Variants in PHRF1 observed in about 807,000 individuals in gnomAD.
PHRF1 encodes PHD and RING finger domain-containing protein 1.
PHRF1 carries 53 observed loss-of-function variants against 128.9 expected under a neutral mutation model. The observed-to-expected ratio is 0.41, with a 90% CI of 0.33 to 0.52. The LOEUF (loss-of-function observed/expected upper bound fraction) is 0.52. Among genes scored for constraint, PHRF1 ranks in the 20% least tolerant of loss-of-function variants. PHRF1 has a pLI of 0.21. For missense variants in PHRF1, 2,503 were observed against 2,284.5 expected (o/e 1.10, Z -1.95); for synonymous variants, 1,178 against 980.6 (o/e 1.20, Z -3.76).
Position 609,551 on chromosome 11 carries a change from T to A in PHRF1, c.4095T>A (p.Pro1365=). 1 of 1,599,258 alleles carries A rather than the reference T, an allele frequency of 6.3e-7. No individual in the cohort carries two copies. Among genetic ancestry groups the A allele is most frequent in the Non-Finnish European group, 8.5e-7 (1 of 1,175,092 alleles). Residue 1365 remains proline (P), a synonymous_variant, in exon 14 of 18, where the codon CCT becomes CCA. Coordinates refer to ENST00000264555, the MANE Select transcript of PHRF1 (RefSeq NM_001286581.2). The part of the protein sequence containing the change: ...AEAPSSPDVA[P]AGKEDSPSAS... ...CACCCAGTTCCCCGGATGTGGCGCCTGCGGGGAAGGAAGACAGCCCCTCTG... is the reference window on the plus strand; with the variant it reads ...CACCCAGTTCCCCGGATGTGGCGCCAGCGGGGAAGGAAGACAGCCCCTCTG...
chr11:588,195 G>C (rs1392386266), intron 4 of PHRF1, among the ~76,000 whole-genome samples: 3 of 150,822 alleles, frequency 2.0e-5, no homozygotes, highest in Middle Eastern at 3.2e-3. Flanking sequence ...GGGTCCTCCT[G>C]TTCTGTTTCA....
At chr11:598,269 T>G in intron 8 of PHRF1, 104 bp from the exon 9 acceptor site, 1 of 1,411,244 alleles carries the variant, frequency 7.1e-7, no homozygotes. Flanking sequence ...CTGTCCTGCT[T>G]CTCTGGCTGC....
At chr11:579,629 C>T (rs962829020) in intron 1 of PHRF1, among the ~76,000 whole-genome samples, 4 of 152,184 alleles carry the variant, frequency 2.6e-5, no homozygotes, top group African/African-American at 7.2e-5. Flanking sequence ...GGCGTCTCTG[C>T]GGAGTTGCTG....
At chr11:599,907 T>C (rs954657830) in intron 9 of PHRF1, among the ~76,000 whole-genome samples, 2 of 152,226 alleles carry the variant, frequency 1.3e-5, no homozygotes, top group Non-Finnish European at 2.9e-5. Context: ...TCTCTGTAAT[T>C]ACCTGTGTCT....
At position 608,058 on chromosome 11, in the gene PHRF1, C is replaced by G; in HGVS notation, c.2602C>G (p.Pro868Ala). 1 of 1,611,610 alleles carries G rather than the reference C, an allele frequency of 6.2e-7. No individual in the cohort carries two copies. The highest frequency in any genetic ancestry group is 1.1e-5 in the South Asian group (1 of 91,090). Residue 868 changes from proline (P) to alanine (A), a missense_variant, in exon 14 of 18, where the codon CCG becomes GCG. Pro to Ala is a conservative substitution (Grantham distance 27, BLOSUM62 -1). Transcript: ENST00000264555. Reference protein sequence around the residue: ...EITRTISINSPKAQTVQAVRC... With the variant: ...EITRTISINSAKAQTVQAVRC... ...CACACGAACCATCTCCATCAACAGC[C>G]CGAAGGCCCAGACGGTGCAGGCTGT...
At chr11:604,262 T>A (rs1855816299) in intron 10 of PHRF1, among the ~76,000 whole-genome samples, 1 of 152,170 alleles carries the variant, frequency 6.6e-6, no homozygotes, top group Admixed American at 6.5e-5. Flanking sequence ...TTTCTGTGGT[T>A]CCTTTCTTCT....
At position 612,000 on chromosome 11, in the gene PHRF1, A is replaced by G. The variant is rs931626812; in HGVS notation, c.*223A>G. 1.4e-5 allele frequency: 9 copies of G among 637,642 alleles called. No individual in the cohort carries two copies. The highest frequency in any genetic ancestry group is 1.9e-5 in the Non-Finnish European group (7 of 375,716). 39.5% of individuals were successfully genotyped at this position (637,642 alleles called of 1,614,324 possible). On this transcript the variant is annotated 3_prime_UTR_variant, in exon 18 of 18. Coordinates refer to ENST00000264555, the MANE Select transcript of PHRF1 (RefSeq NM_001286581.2). Reference sequence around the variant, plus strand: ...ACAGTTGAAAACTGGACACTTTTGTATGTATATTATAGAGACACTGTTTCC... The same window carrying G: ...ACAGTTGAAAACTGGACACTTTTGTGTGTATATTATAGAGACACTGTTTCC...
rs376116360 is a variant in PHRF1 at position 609,704 on chromosome 11, C to A, written c.4248C>A (p.Ala1416=). 9 of 1,501,542 alleles carry A rather than the reference C, an allele frequency of 6.0e-6. No individual in the cohort carries two copies. Among genetic ancestry groups the A allele is most frequent in the African/African-American group, 1.4e-5 (1 of 72,152 alleles). The allele number at this position is 1,501,542 out of a possible 1,614,324, so 93.0% of individuals were successfully genotyped here. A position where few individuals can be genotyped will look rare whatever the true frequency, so the allele number is the denominator to read the frequency against. ...AGGAGTCGGAGAGCAGCGCCCCCGC[C>A]GAGGACAGAGCCCCCCGTGAGTAGT... is the stretch of plus-strand genomic sequence containing the variant. The part of the protein sequence containing the change: ...NLQESESSAP[A]EDRAPRAPLH... The change falls in exon 14 of 18, where the codon GCC becomes GCA. Residue 1416 remains alanine, a synonymous_variant. Coordinates refer to ENST00000264555, the MANE Select transcript of PHRF1 (RefSeq NM_001286581.2).
At chr11:583,846 G>T (rs974896015) in intron 3 of PHRF1, among the ~76,000 whole-genome samples, 2 of 152,338 alleles carry the variant, frequency 1.3e-5, no homozygotes, top group South Asian at 4.1e-4. Context: ...CAAGGAGGTG[G>T]CCCTGCCCCG....
At position 612,084 on chromosome 11, in the gene PHRF1, G is replaced by C; in HGVS notation, c.*307G>C. ...AACCTCTTGATTGACTTACTACTTG[G>C]AAGATAAAGCACTTGGTGATCAAGA... On this transcript the variant is annotated 3_prime_UTR_variant, in exon 18 of 18. Coordinates refer to ENST00000264555, the MANE Select transcript of PHRF1 (RefSeq NM_001286581.2). 6 of 420,370 alleles carry C rather than the reference G, an allele frequency of 1.4e-5. No individual in the cohort carries two copies. The South Asian group carries it at 2.4e-4, about 17-fold the overall frequency. The allele number at this position is 420,370 out of a possible 1,614,324, so 26.0% of individuals were successfully genotyped here.
chr11:591,072 T>C (rs1854942868), intron 4 of PHRF1, among the ~76,000 whole-genome samples: 1 of 152,218 alleles, frequency 6.6e-6, no homozygotes, highest in African/African-American at 2.4e-5. Flanking sequence ...GCAGAAGACT[T>C]GAACAGGCTC....
rs1856354451 is a variant in PHRF1, at chr11:610,982, G to A, written c.4706G>A (p.Arg1569His). 3.7e-6 allele frequency: 6 copies of A among 1,613,406 alleles called. No homozygotes were observed. The highest frequency in any genetic ancestry group is 5.1e-6 in the Non-Finnish European group (6 of 1,179,808). ...EYMKKLHMQE[R>H]AVEEVKLAIK... ...ATGAAGAAGCTGCACATGCAGGAGC[G>A]TGCTGTGGAGGAGGTGAAGCTGGCC... Residue 1569 changes from arginine to histidine, a missense_variant, in exon 17 of 18, where the codon CGT becomes CAT. By Grantham distance (29) the Arg-to-His change is conservative. Transcript: ENST00000264555.
At position 609,068 on chromosome 11, in the gene PHRF1, G is replaced by T; in HGVS notation, c.3612G>T (p.Ala1204=). ...RKGAVREASP[A]PLAQGEPGRE... Reference sequence around the variant, plus strand: ...GGGCTGTGAGGGAGGCTTCCCCAGCGCCCCTTGCACAGGGGGAGCCAGGGC... The same window carrying T: ...GGGCTGTGAGGGAGGCTTCCCCAGCTCCCCTTGCACAGGGGGAGCCAGGGC... Residue 1204 remains alanine (A), a synonymous_variant, in exon 14 of 18, where the codon GCG becomes GCT. Transcript: ENST00000264555. The T allele has an allele frequency of 6.3e-7, 1 of 1,597,166 alleles. No individual in the cohort carries two copies.
Position 597,088 on chromosome 11 carries a change from G to C in PHRF1, c.718+68G>C. The C allele has an allele frequency of 6.6e-7, 1 of 1,508,802 alleles. No individual in the cohort carries two copies. Among genetic ancestry groups the C allele is most frequent in the Non-Finnish European group, 9.1e-7 (1 of 1,103,100 alleles). The allele number at this position is 1,508,802 out of a possible 1,614,324, so 93.5% of individuals were successfully genotyped here. A position where few individuals can be genotyped will look rare whatever the true frequency, so the allele number is the denominator to read the frequency against. On this transcript the variant is annotated intron_variant, in intron 7 of 17. Transcript: ENST00000264555. This position sits in a 1 kb window ranked among gnomAD's most constrained non-coding sequence, Gnocchi z 6.5. ...CACTGTCCACTCTGCGGTCCCCGGG[G>C]TTAGGTTTGGCTGCTGTGTGGGGAG... is the stretch of plus-strand genomic sequence containing the variant.
Position 587,389 on chromosome 11 carries a change from C to T in PHRF1, c.345C>T (p.Phe115=). 1.2e-6 allele frequency: 2 copies of T among 1,613,896 alleles called. No homozygotes were observed. Among genetic ancestry groups the T allele is most frequent in the South Asian group, 1.1e-5 (1 of 91,070 alleles). ...GCTGCCCAATCTGTCTCAACGCATT[C>T]AGAGACCAGGCCGTGGGGACGCCGG... ...AESCPICLNA[F]RDQAVGTPEN... The change falls in exon 4 of 18, where the codon TTC becomes TTT. Residue 115 remains phenylalanine, a synonymous_variant. Coordinates refer to ENST00000264555, the MANE Select transcript of PHRF1 (RefSeq NM_001286581.2).
chr11:581,494 C>G lies in PHRF1; in HGVS notation c.-19C>G. 1 of 1,612,946 alleles carries G rather than the reference C, an allele frequency of 6.2e-7. No homozygotes were observed. Among genetic ancestry groups the G allele is most frequent in the Non-Finnish European group, 8.5e-7 (1 of 1,179,530 alleles). On this transcript the variant is annotated splice_region_variant and 5_prime_UTR_variant, in exon 2 of 18. Transcript: ENST00000264555. ...TGCTTGGCTCTTCTTTCTTTCAGAG[C>G]TGAGCTCAATGTGCAGCAATGGATG...
Position 608,194 on chromosome 11 carries a change from G to A in PHRF1, c.2738G>A (p.Gly913Glu). 1 of 1,609,812 alleles carries A rather than the reference G, an allele frequency of 6.2e-7. No individual in the cohort carries two copies. Among genetic ancestry groups the A allele is most frequent in the Non-Finnish European group, 8.5e-7 (1 of 1,179,824 alleles). ...SKLRGAVAAEGASDTEREEPT... is the reference protein window; with the variant it reads ...SKLRGAVAAEEASDTEREEPT... Reference sequence around the variant, plus strand: ...CTCCGGGGTGCAGTGGCTGCCGAGGGGGCCTCTGACACGGAGCGAGAGGAG... The same window carrying A: ...CTCCGGGGTGCAGTGGCTGCCGAGGAGGCCTCTGACACGGAGCGAGAGGAG... The change falls in exon 14 of 18, where the codon GGG becomes GAG. Residue 913 changes from glycine (G) to glutamate (E), a missense_variant. Gly to Glu is a moderately conservative substitution (Grantham distance 98, BLOSUM62 -2). Coordinates refer to ENST00000264555, the MANE Select transcript of PHRF1 (RefSeq NM_001286581.2).
At position 606,487 on chromosome 11, in the gene PHRF1, G is replaced by A. The variant is rs1179031386; in HGVS notation, c.1500G>A (p.Glu500=). The change falls in exon 13 of 18, where the codon GAG becomes GAA. Residue 500 remains glutamate, a synonymous_variant. Transcript: ENST00000264555. ...TGCCAGAGCCAGACTTGGAGGAGGA[G>A]CCAGTGCCTGACCTGCTGGGCAGCA... The part of the protein sequence containing the change: ...AAVPEPDLEE[E]PVPDLLGSIL... 2 of 1,596,720 alleles carry A rather than the reference G, an allele frequency of 1.3e-6. No individual in the cohort carries two copies. Among genetic ancestry groups the A allele is most frequent in the Non-Finnish European group, 1.7e-6 (2 of 1,174,954 alleles).
intron 6 of PHRF1, 137 bp from the exon 7 acceptor site, chr11:596,786 G>C: frequency 9.0e-6 from 6 of 668,486 alleles, no homozygotes; most frequent in Non-Finnish European, 1.6e-5. Flanking sequence ...ATTTTGGAGG[G>C]ATGTGGGTCA....
Sources: allele counts gnomAD v4.1 joint callset (sites outside exome capture counted in the v4.1 genomes callset), GRCh38; gene constraint gnomAD v4.1.1; non-coding constraint Gnocchi (gnomAD v3.1); transcripts MANE v1.5; gene names NCBI Gene and HGNC (gene_info 2026-07-23, HGNC 2026-07-21).